ELP1: variants seen among roughly 807,000 people sequenced by gnomAD.
ELP1 encodes the protein elongator complex protein 1.
Under a neutral mutation model 183.2 loss-of-function variants are expected in ELP1, and 131 were observed. The ratio of observed to expected loss-of-function variants is 0.72; its 90% CI spans 0.62 to 0.83. The LOEUF (loss-of-function observed/expected upper bound fraction) is 0.83, where lower values mean the gene tolerates loss of function less well. Ranked by LOEUF, ELP1 falls within the 40% of genes least tolerant of loss-of-function variation. The pLI, the probability that ELP1 is intolerant of heterozygous loss-of-function variation, is 0.00. For missense variants in ELP1, 1,550 were observed against 1,594.9 expected (o/e 0.97, Z 0.48); for synonymous variants, 555 against 569.0 (o/e 0.98, Z 0.35).
intron 29 of ELP1, 131 bp from the exon 30 acceptor site, chr9:108,882,318 A>G (rs532137930): frequency 1.1e-5 from 8 of 705,336 alleles, no homozygotes; most frequent in Non-Finnish European, 1.8e-5. Flanking sequence ...TCTCAACATC[A>G]TGCCTATCCT....
chr9:108,873,724 T>C (rs1445685382), intron 36 of ELP1, among the ~76,000 whole-genome samples: 1 of 152,056 alleles, frequency 6.6e-6, no homozygotes, highest in Non-Finnish European at 1.5e-5. Context: ...GTTCCTAGCA[T>C]CTGGGAAATA....
In ELP1 at chr9:108,917,569, G is replaced by C. The variant is rs770755917; in HGVS notation, c.842C>G (p.Pro281Arg). ...NGLLHGHFTL[P>R]FLKDEVKVND... ...TACCTTAACCTCATCTTTAAGGAAG[G>C]GAAGTGTAAAGTGTCCATGAAGGAG... Residue 281 changes from proline (P) to arginine (R), a missense_variant, in exon 9 of 37, where the codon CCC becomes CGC. Physicochemically the swap from Pro to Arg is moderately radical, Grantham distance 103 (BLOSUM62 -2). Coordinates refer to ENST00000374647, the MANE Select transcript of ELP1 (RefSeq NM_003640.5). The C allele has an allele frequency of 3.7e-6, 6 of 1,613,862 alleles. No homozygotes were observed. The South Asian group carries it at 6.6e-5, about 18-fold the overall frequency.
In ELP1 at chr9:108,891,435, G is replaced by A. The variant is rs377184174; in HGVS notation, c.2959-31C>T. On this transcript the variant is annotated intron_variant, in intron 27 of 36. Coordinates refer to ENST00000374647, the MANE Select transcript of ELP1 (RefSeq NM_003640.5). ...ACAAGAGGAGATTTAGGACTGAGGA[G>A]GAAATATGACAATCATTTCTCTAAA... The A allele has an allele frequency of 2.5e-6, 4 of 1,590,960 alleles. No individual in the cohort carries two copies. The African/African-American group carries it at 4.0e-5, about 16-fold the overall frequency.
In ELP1 at chr9:108,912,387, G is replaced by A. The variant is rs1339454272; in HGVS notation, c.1066C>T (p.Pro356Ser). The change falls in exon 11 of 37, where the codon CCA becomes TCA. Residue 356 changes from proline to serine, a missense_variant. Pro to Ser is a moderately conservative substitution (Grantham distance 74, BLOSUM62 -1). Coordinates refer to ENST00000374647, the MANE Select transcript of ELP1 (RefSeq NM_003640.5). ...TGACAGAGAACATGCAGCCGGTATG[G>A]GGTCACAGGGTCCCACATCAGAGAC... ...IVSLMWDPVT[P>S]YRLHVLCQGW... is the part of the protein sequence containing the mutation. The A allele has an allele frequency of 5.0e-6, 8 of 1,614,122 alleles. No homozygotes were observed. The highest frequency in any genetic ancestry group is 6.8e-6 in the Non-Finnish European group (8 of 1,179,998).
At chr9:108,922,265 C>T (rs1829671780) in intron 6 of ELP1, among the ~76,000 whole-genome samples, 1 of 152,110 alleles carries the variant, frequency 6.6e-6, no homozygotes, top group Admixed American at 6.5e-5. Context: ...GACACTACTT[C>T]CCCAGGTGCC....
chr9:108,906,986 G>A (rs999254812), intron 13 of ELP1, among the ~76,000 whole-genome samples: 5 of 152,104 alleles, frequency 3.3e-5, no homozygotes, highest in East Asian at 1.9e-4. Flanking sequence ...GTCACCTCAC[G>A]TAGGAACCGA....
intron 6 of ELP1, 92 bp downstream of exon 6, chr9:108,922,750 C>T (rs1829690147): frequency 2.3e-6 from 2 of 878,142 alleles, no homozygotes; most frequent in Non-Finnish European, 3.9e-6. Flanking sequence ...CTGTTCATTA[C>T]TGGCATCTAA....
At chr9:108,901,351 A>C in intron 18 of ELP1, 74 bp downstream of exon 18, 1 of 1,070,796 alleles carries the variant, frequency 9.3e-7, no homozygotes. Context: ...ATAAATGAAG[A>C]ATTCAAAAAG....
At chr9:108,895,173 G>A (rs548760880) in intron 25 of ELP1, among the ~76,000 whole-genome samples, 6 of 152,278 alleles carry the variant, frequency 3.9e-5, no homozygotes, top group Admixed American at 2.0e-4. Context: ...AGGTTGCAGT[G>A]AGCCAAGATG....
intron 29 of ELP1, among the ~76,000 whole-genome samples, chr9:108,887,191 A>G (rs908534686): frequency 2.0e-5 from 3 of 152,184 alleles, no homozygotes; most frequent in African/African-American, 7.2e-5. Flanking sequence ...CCTGGGTGAC[A>G]GAGCAAGACT....
intron 29 of ELP1, among the ~76,000 whole-genome samples, chr9:108,887,904 A>T (rs182401376): frequency 2.0e-5 from 3 of 152,282 alleles, no homozygotes; most frequent in African/African-American, 7.2e-5. Context: ...AGCTTCCTAA[A>T]AAGTTAAACA....
chr9:108,914,413 A>AGGGG (rs762220846), intron 10 of ELP1, among the ~76,000 whole-genome samples: 15 of 89,130 alleles, frequency 1.7e-4, no homozygotes, highest in African/African-American at 7.1e-4. Flanking sequence ...AAAAAAAAAA[A>AGGGG]GGGGGGGGGG....
chr9:108,929,678 T>C, intron 3 of ELP1, 91 bp downstream of exon 3: 2 of 1,299,344 alleles, frequency 1.5e-6, no homozygotes, highest in East Asian at 4.6e-5. Context: ...AGTGTAACTA[T>C]TATGGCTACT....
intron 29 of ELP1, among the ~76,000 whole-genome samples, chr9:108,886,326 C>A (rs1021556542): frequency 2.6e-5 from 4 of 152,130 alleles, no homozygotes. Flanking sequence ...ATTTTTGTCA[C>A]CCCTCAATGA....
At chr9:108,879,643 G>A in intron 32 of ELP1, 86 bp from the exon 33 acceptor site, 1 of 844,172 alleles carries the variant, frequency 1.2e-6, no homozygotes, top group East Asian at 2.5e-5. Context: ...ACTAACTAGA[G>A]TCAACTGGTG....
In ELP1 at chr9:108,880,180, T is replaced by A; in HGVS notation, c.3347-15A>T. ...ATTTTTCTGGGCTGGAGATGCAGAATGGAAAATAGTTTGAGCATGAGGTTT... is the reference window on the plus strand; with the variant it reads ...ATTTTTCTGGGCTGGAGATGCAGAAAGGAAAATAGTTTGAGCATGAGGTTT... On this transcript the variant is annotated splice_polypyrimidine_tract_variant and intron_variant, in intron 31 of 36. Transcript: ENST00000374647. The A allele has an allele frequency of 6.5e-7, 1 of 1,527,878 alleles. No homozygotes were observed. The highest frequency in any genetic ancestry group is 9.1e-7 in the Non-Finnish European group (1 of 1,101,316). 94.6% of individuals were successfully genotyped at this position (1,527,878 alleles called of 1,614,324 possible). A position where few individuals can be genotyped will look rare whatever the true frequency, so the allele number is the denominator to read the frequency against.
chr9:108,881,110 T>G (rs1827912789), intron 31 of ELP1, among the ~76,000 whole-genome samples: 1 of 152,216 alleles, frequency 6.6e-6, no homozygotes, highest in Non-Finnish European at 1.5e-5. Flanking sequence ...ACAAACTTCA[T>G]TTGAAAAGGT....
chr9:108,922,490 A>G (rs1035551228), intron 6 of ELP1, among the ~76,000 whole-genome samples: 13 of 152,346 alleles, frequency 8.5e-5, no homozygotes, highest in African/African-American at 2.4e-4. Context: ...GTATGAGAAC[A>G]TGCATGTGAA....
chr9:108,893,858 G>T, intron 26 of ELP1, 85 bp downstream of exon 26: 1 of 1,405,744 alleles, frequency 7.1e-7, no homozygotes, highest in Non-Finnish European at 1.0e-6. Context: ...ATCAGTCACT[G>T]TCTAAACTAA....
Sources: allele counts gnomAD v4.1 joint callset (sites outside exome capture counted in the v4.1 genomes callset), GRCh38; gene constraint gnomAD v4.1.1; transcripts MANE v1.5; gene names NCBI Gene and HGNC (gene_info 2026-07-23, HGNC 2026-07-21).